The following AGO2 variants were observed in gnomAD, a reference collection of about 807,000 sequenced individuals.
The protein encoded by AGO2 is protein argonaute-2.
Under a neutral mutation model 102.3 loss-of-function variants are expected in AGO2, and 5 were observed. The observed-to-expected ratio is 0.05, with a 90% CI of 0.03 to 0.10. The LOEUF (loss-of-function observed/expected upper bound fraction) is 0.10. Ranked by LOEUF, AGO2 falls within the 10% of genes least tolerant of loss-of-function variation. The probability of loss-of-function intolerance (pLI) is 1.00; values close to 1 mark genes in which losing one functional copy is unlikely to be tolerated. For synonymous variants in AGO2, 449 were observed against 473.1 expected, an observed-to-expected ratio of 0.95 and a Z score of 0.66; for missense variants, 541 against 1,183.7, an observed-to-expected ratio of 0.46 and a Z score of 7.97.
the AGO2 span, among the ~76,000 whole-genome samples, chr8:140,641,726 G>A: frequency 5.4e-4 from 82 of 152,334 alleles, 1 homozygote; most frequent in Admixed American, 2.1e-3. Flanking sequence ...TGGGATTGCA[G>A]GCGTGCACAA....
chr8:140,563,727 G>A (rs2073238155), intron 3 of AGO2, among the ~76,000 whole-genome samples: 1 of 152,098 alleles, frequency 6.6e-6, no homozygotes, highest in African/African-American at 2.4e-5. Context: ...CCTCTGCTCT[G>A]TGCACCTGAG....
rs767661206 is a variant in AGO2, at chr8:140,541,146, G to A, written c.2034+18C>T. 9 of 1,534,594 alleles carry A rather than the reference G, an allele frequency of 5.9e-6. No homozygotes were observed. The South Asian group carries it at 9.8e-5, about 17-fold the overall frequency. On this transcript the variant is annotated intron_variant, in intron 15 of 18. Coordinates refer to ENST00000220592, the MANE Select transcript of AGO2 (RefSeq NM_012154.5). ...CAGACCCCAGAGAAGGGGAGGGAAG[G>A]TTCCAAGAGGCGCCCACCTGCTGGA...
chr8:140,532,767 C>T (rs1428951130), intron 17 of AGO2, 152 bp from the exon 18 acceptor site: 12 of 798,028 alleles, frequency 1.5e-5, no homozygotes, highest in Middle Eastern at 3.7e-4. Context: ...GAGGCCAAGG[C>T]GGGCAGATCA....
intron 6 of AGO2, among the ~76,000 whole-genome samples, chr8:140,558,901 T>TC (rs1365657164): frequency 6.6e-6 from 1 of 152,160 alleles, no homozygotes; most frequent in African/African-American, 2.4e-5. Flanking sequence ...AAGGACGGGT[T>TC]CAGCGGGCAG....
intron 1 of AGO2, among the ~76,000 whole-genome samples, chr8:140,619,401 T>A (rs2152106217): frequency 6.6e-6 from 1 of 151,838 alleles, no homozygotes; most frequent in Middle Eastern, 3.4e-3. Context: ...ACAAGAGAAA[T>A]AAAACGACAA....
intron 12 of AGO2, among the ~76,000 whole-genome samples, chr8:140,548,531 G>A (rs915406994): frequency 6.6e-6 from 1 of 152,134 alleles, no homozygotes; most frequent in Non-Finnish European, 1.5e-5. Context: ...CCCTGGGCAG[G>A]TGTGGGGAAA....
rs1285802614 is a variant in AGO2 at position 140,530,571 on chromosome 8, C to A, written c.*1473G>T. On this transcript the variant is annotated 3_prime_UTR_variant, in exon 19 of 19. Transcript: ENST00000220592. The stretch of plus-strand genomic sequence containing the variant: ...GTTGTCTGTTGTTAGCCTTCAAAAT[C>A]GTCCGTGGTGTCACTCTTAGTGCAA... 6.6e-6 allele frequency: 1 copy of A among 152,304 alleles called. No homozygotes were observed. The highest frequency in any genetic ancestry group is 2.4e-5 in the African/African-American group (1 of 41,476). The allele number at this position is 152,304 out of a possible 1,614,324, so 9.4% of individuals were successfully genotyped here.
chr8:140,619,708 C>T (rs1466167827), intron 1 of AGO2, among the ~76,000 whole-genome samples: 1 of 152,008 alleles, frequency 6.6e-6, no homozygotes, highest in Admixed American at 6.5e-5. Context: ...GGGTGCGGGC[C>T]GGCAACTCTC....
At chr8:140,627,120 C>A (rs2074288528) in intron 1 of AGO2, among the ~76,000 whole-genome samples, 1 of 152,248 alleles carries the variant, frequency 6.6e-6, no homozygotes, top group African/African-American at 2.4e-5. Context: ...GTGCCCGCCA[C>A]CTTCCCGCCC....
At chr8:140,553,397 G>GTTTT (rs1247887588) in intron 10 of AGO2, among the ~76,000 whole-genome samples, 4 of 129,678 alleles carry the variant, frequency 3.1e-5, no homozygotes, top group Non-Finnish European at 4.6e-5. Flanking sequence ...CAAGTTACAA[G>GTTTT]TTTTTTGTTT....
chr8:140,573,016 T>C (rs2073407762), intron 2 of AGO2, 84 bp from the exon 3 acceptor site: 1 of 1,500,302 alleles, frequency 6.7e-7, no homozygotes, highest in African/African-American at 1.4e-5. Flanking sequence ...GCTATTTTTT[T>C]TTTTTTTTTT....
At chr8:140,600,540 C>T (rs2073917450) in intron 1 of AGO2, among the ~76,000 whole-genome samples, 1 of 152,136 alleles carries the variant, frequency 6.6e-6, no homozygotes, top group South Asian at 2.1e-4. Context: ...ATTAGCCGGG[C>T]GTGGTGGCGC....
intron 1 of AGO2, among the ~76,000 whole-genome samples, chr8:140,587,607 G>A (rs905160077): frequency 3.9e-5 from 6 of 152,214 alleles, no homozygotes; most frequent in Admixed American, 1.3e-4. Context: ...CCCCATGCAC[G>A]AGGAAGATGG....
intron 1 of AGO2, among the ~76,000 whole-genome samples, chr8:140,608,522 C>T (rs946525831): frequency 1.3e-5 from 2 of 152,268 alleles, no homozygotes; most frequent in Non-Finnish European, 2.9e-5. Context: ...CCGCAGCCGG[C>T]AGGCAGGCGT....
chr8:140,579,003 C>A (rs2073509660), intron 2 of AGO2, among the ~76,000 whole-genome samples: 1 of 152,218 alleles, frequency 6.6e-6, no homozygotes, highest in Non-Finnish European at 1.5e-5. Context: ...AAAAGTTTCA[C>A]ATAACGATAA....
rs1241385563 is a variant in AGO2, at chr8:140,522,565, C to T, written c.*9479G>A. The T allele has an allele frequency of 4.6e-5, 4 of 86,968 alleles. No homozygotes were observed. The highest frequency in any genetic ancestry group is 9.5e-5 in the Non-Finnish European group (4 of 41,904). The allele number at this position is 86,968 out of a possible 1,614,324, so 5.4% of individuals were successfully genotyped here. Reference sequence around the variant, plus strand: ...AAAGAAACATGAAAAAAAAAAAAAACCCTGAAAAAGTCGCAAGACTTTTAG... The same window carrying T: ...AAAGAAACATGAAAAAAAAAAAAAATCCTGAAAAAGTCGCAAGACTTTTAG... On this transcript the variant is annotated 3_prime_UTR_variant, in exon 19 of 19. Transcript: ENST00000220592.
rs2293939 is a variant in AGO2, at chr8:140,541,308, G to A, written c.1890C>T (p.Arg630=). The change falls in exon 15 of 19, where the codon CGC becomes CGT. Residue 630 remains arginine, a synonymous_variant. Transcript: ENST00000220592. ...AHPNRYCATV[R]VQQHRQEIIQ... is the part of the protein sequence containing the mutation. ...TGATCTCCTGCCGGTGCTGCTGCAC[G>A]CGCACGGTGGCGCAGTAGCGATTGG... is the stretch of plus-strand genomic sequence containing the variant. 414,689 of 1,612,310 alleles carry A rather than the reference G, an allele frequency of 0.26. 55,485 individuals are homozygous for A. Among genetic ancestry groups the A allele is most frequent in the East Asian group, 0.37 (16,671 of 44,814 alleles).
At chr8:140,533,348 C>T (rs2072636167) in intron 17 of AGO2, among the ~76,000 whole-genome samples, 1 of 147,988 alleles carries the variant, frequency 6.8e-6, no homozygotes, top group Non-Finnish European at 1.5e-5. Context: ...GAGATTGTGC[C>T]ACTGCACTCC....
At chr8:140,614,551 G>C (rs895574843) in intron 1 of AGO2, among the ~76,000 whole-genome samples, 2 of 152,224 alleles carry the variant, frequency 1.3e-5, no homozygotes, top group African/African-American at 4.8e-5. Context: ...AGGAATGCAA[G>C]CTACTCTCCT....
Sources: allele counts gnomAD v4.1 joint callset (sites outside exome capture counted in the v4.1 genomes callset), GRCh38; gene constraint gnomAD v4.1.1; transcripts MANE v1.5; gene names NCBI Gene and HGNC (gene_info 2026-07-23, HGNC 2026-07-21).